SGCZ: variants seen among roughly 807,000 people sequenced by gnomAD.
The protein encoded by SGCZ is zeta-sarcoglycan.
SGCZ carries 40 observed loss-of-function variants against 41.3 expected under a neutral mutation model. That is an observed-to-expected ratio of 0.97 (90% CI 0.75 to 1.26). SGCZ has a LOEUF of 1.26. Among genes scored for constraint, SGCZ ranks in the 50% most tolerant of loss-of-function variants. The pLI, the probability that SGCZ is intolerant of heterozygous loss-of-function variation, is 0.00. For synonymous variants in SGCZ, 206 were observed against 137.5 expected, an observed-to-expected ratio of 1.50 and a Z score of -3.49; for missense variants, 552 against 369.8, an observed-to-expected ratio of 1.49 and a Z score of -4.04.
intron 1 of SGCZ, among the ~76,000 whole-genome samples, chr8:15,027,351 G>A (rs1803495598): frequency 6.6e-6 from 1 of 151,746 alleles, no homozygotes; most frequent in East Asian, 1.9e-4. Flanking sequence ...ATACAGATGG[G>A]AAAGTTATTT....
intron 3 of SGCZ, among the ~76,000 whole-genome samples, chr8:14,287,920 G>A (rs939664228): frequency 6.6e-6 from 1 of 152,044 alleles, no homozygotes; most frequent in African/African-American, 2.4e-5. Context: ...GTATTTTAGA[G>A]GGACTATAGG....
intron 1 of SGCZ, among the ~76,000 whole-genome samples, chr8:14,925,815 C>T (rs540107522): frequency 6.6e-6 from 1 of 151,896 alleles, no homozygotes; most frequent in East Asian, 1.9e-4. Context: ...TCCATAAGCA[C>T]CAGAGAAGGA....
chr8:14,665,134 G>C (rs1018232296), intron 1 of SGCZ, among the ~76,000 whole-genome samples: 1 of 152,036 alleles, frequency 6.6e-6, no homozygotes, highest in African/African-American at 2.4e-5. Flanking sequence ...TTAACATTAG[G>C]TATATCTCCT....
chr8:14,194,328 G>C (rs969251417), intron 4 of SGCZ, among the ~76,000 whole-genome samples: 2 of 151,846 alleles, frequency 1.3e-5, no homozygotes, highest in African/African-American at 4.8e-5. Flanking sequence ...GATTGAAAAC[G>C]AGACCAGAGT....
intron 1 of SGCZ, among the ~76,000 whole-genome samples, chr8:14,656,113 T>A (rs1397988230): frequency 6.6e-6 from 1 of 152,064 alleles, no homozygotes; most frequent in African/African-American, 2.4e-5. Context: ...CCAGGAAAAT[T>A]CCCAGGAGTG....
intron 1 of SGCZ, among the ~76,000 whole-genome samples, chr8:14,896,407 T>C (rs1427727870): frequency 6.6e-6 from 1 of 152,142 alleles, no homozygotes; most frequent in African/African-American, 2.4e-5. Context: ...ATAATGATTC[T>C]ACATTTCATG....
chr8:14,305,783 G>A (rs1801330835), intron 3 of SGCZ, among the ~76,000 whole-genome samples: 1 of 152,194 alleles, frequency 6.6e-6, no homozygotes, highest in Middle Eastern at 3.4e-3. Context: ...TTAAATCCGG[G>A]CTCAACCTTG....
intron 7 of SGCZ, among the ~76,000 whole-genome samples, chr8:14,099,715 G>GACTC (rs1228326639): frequency 6.6e-6 from 1 of 151,810 alleles, no homozygotes; most frequent in Non-Finnish European, 1.5e-5. Context: ...ACAAGAGCGA[G>GACTC]ACTCTGTCTC....
At chr8:14,886,819 G>A (rs540657145) in intron 1 of SGCZ, among the ~76,000 whole-genome samples, 2 of 152,234 alleles carry the variant, frequency 1.3e-5, no homozygotes, top group African/African-American at 2.4e-5. Flanking sequence ...GGCTTCTGGG[G>A]TGGAGCAGAC....
chr8:14,464,484 G>GTT (rs1455016555), intron 2 of SGCZ, among the ~76,000 whole-genome samples: 1 of 119,668 alleles, frequency 8.4e-6, no homozygotes, highest in Non-Finnish European at 1.8e-5. Flanking sequence ...AATTTGAGTG[G>GTT]TATTTTTTTT....
At chr8:14,758,593 G>GCT (rs1799759733) in intron 1 of SGCZ, among the ~76,000 whole-genome samples, 1 of 152,202 alleles carries the variant, frequency 6.6e-6, no homozygotes, top group Admixed American at 6.5e-5. Context: ...ATTACACAAT[G>GCT]CTGTCGGTGT....
At chr8:14,412,705 G>A (rs951792550) in intron 2 of SGCZ, among the ~76,000 whole-genome samples, 1 of 151,920 alleles carries the variant, frequency 6.6e-6, no homozygotes, top group Non-Finnish European at 1.5e-5. Flanking sequence ...TCTCTCACAA[G>A]GGCTAATGTA....
intron 5 of SGCZ, among the ~76,000 whole-genome samples, chr8:14,156,971 TAA>T (rs1205505539): frequency 2.0e-5 from 3 of 152,142 alleles, no homozygotes; most frequent in Non-Finnish European, 4.4e-5. Context: ...AAAATAATGA[TAA>T]AAAACTACAG....
intron 1 of SGCZ, among the ~76,000 whole-genome samples, chr8:15,062,174 T>A (rs1291182467): frequency 6.6e-6 from 1 of 152,156 alleles, no homozygotes; most frequent in African/African-American, 2.4e-5. Context: ...TAAGAACTAC[T>A]CTCACTTTAA....
At chr8:14,704,183 A>G (rs1213079907) in intron 1 of SGCZ, among the ~76,000 whole-genome samples, 1 of 152,014 alleles carries the variant, frequency 6.6e-6, no homozygotes, top group African/African-American at 2.4e-5. Context: ...ACAGCTATGC[A>G]TACTCATAGA....
chr8:14,456,335 G>T (rs1180503580), intron 2 of SGCZ, among the ~76,000 whole-genome samples: 1 of 152,180 alleles, frequency 6.6e-6, no homozygotes, highest in Non-Finnish European at 1.5e-5. Flanking sequence ...TTGAACCCGG[G>T]AGGCAGAGGT....
chr8:14,456,254 C>G (rs1301480090), intron 2 of SGCZ, among the ~76,000 whole-genome samples: 1 of 151,888 alleles, frequency 6.6e-6, no homozygotes, highest in Admixed American at 6.6e-5. Context: ...ACTAAATATA[C>G]AAAATTAGCC....
intron 1 of SGCZ, among the ~76,000 whole-genome samples, chr8:14,906,782 A>G (rs1194363916): frequency 2.0e-5 from 3 of 152,350 alleles, no homozygotes; most frequent in Admixed American, 6.5e-5. Flanking sequence ...AGTCCTGATT[A>G]GCTCTAGAAA....
chr8:14,435,173 G>A (rs941910296), intron 2 of SGCZ, among the ~76,000 whole-genome samples: 16 of 152,178 alleles, frequency 1.1e-4, no homozygotes, highest in African/African-American at 3.4e-4. Flanking sequence ...AATCACCACC[G>A]ATATGGATTC....
Sources: gnomAD v4.1 joint callset for allele counts (sites outside exome capture counted in the v4.1 genomes callset) on GRCh38, gnomAD v4.1.1 for gene constraint, MANE v1.5 for transcripts, NCBI Gene and HGNC (gene_info 2026-07-23, HGNC 2026-07-21) for gene names.